Variants in ROBO1 observed in about 807,000 individuals in gnomAD.
ROBO1 encodes the protein roundabout guidance receptor 1.
In ROBO1, 149 loss-of-function variants were observed where a neutral mutation model predicts 195.9. That is an observed-to-expected ratio of 0.76 (90% confidence interval 0.67 to 0.87). The LOEUF (loss-of-function observed/expected upper bound fraction) is 0.87. Among genes scored for constraint, ROBO1 ranks in the 40% least tolerant of loss-of-function variants. ROBO1 has a pLI of 0.00. For missense variants in ROBO1, 1,933 were observed against 2,068.3 expected (o/e 0.93, Z 1.27); for synonymous variants, 816 against 733.2 (o/e 1.11, Z -1.82).
At chr3:79,607,132 C>CA (rs1491185745) in intron 1 of ROBO1, among the ~76,000 whole-genome samples, 3 of 150,092 alleles carry the variant, frequency 2.0e-5, no homozygotes, top group Non-Finnish European at 4.4e-5. Context: ...CACACACACA[C>CA]ATAGTGGAAC....
At chr3:79,538,459 T>G (rs1381319478) in intron 2 of ROBO1, among the ~76,000 whole-genome samples, 1 of 152,170 alleles carries the variant, frequency 6.6e-6, no homozygotes, top group African/African-American at 2.4e-5. Flanking sequence ...GGGCATATTA[T>G]TATTGATACT....
chr3:79,280,728 T>C (rs1227309102), intron 2 of ROBO1, among the ~76,000 whole-genome samples: 2 of 152,168 alleles, frequency 1.3e-5, no homozygotes, highest in African/African-American at 4.8e-5. Flanking sequence ...AAACTGTTCA[T>C]CCCGAACAGT....
chr3:79,322,619 T>G (rs1192195564), intron 2 of ROBO1, among the ~76,000 whole-genome samples: 1 of 152,158 alleles, frequency 6.6e-6, no homozygotes, highest in South Asian at 2.1e-4. Flanking sequence ...AAAATATAAC[T>G]CAAAATTTAT....
intron 4 of ROBO1, among the ~76,000 whole-genome samples, chr3:78,825,063 C>G (rs1011999503): frequency 6.6e-6 from 1 of 152,142 alleles, no homozygotes; most frequent in Non-Finnish European, 1.5e-5. Flanking sequence ...CCTTTTAACA[C>G]TATCACTCTA....
chr3:78,825,020 T>C (rs931505986), intron 4 of ROBO1, among the ~76,000 whole-genome samples: 2 of 152,210 alleles, frequency 1.3e-5, no homozygotes, highest in Non-Finnish European at 2.9e-5. Flanking sequence ...CTTTTCTAAA[T>C]AACCTCTTTT....
intron 4 of ROBO1, among the ~76,000 whole-genome samples, chr3:78,842,149 T>G (rs1313086638): frequency 6.9e-6 from 1 of 145,580 alleles, no homozygotes; most frequent in Non-Finnish European, 1.5e-5. Context: ...GTTTTTTTTT[T>G]TTTTTTGCGC....
At chr3:78,831,631 A>C (rs970073779) in intron 4 of ROBO1, among the ~76,000 whole-genome samples, 1 of 152,208 alleles carries the variant, frequency 6.6e-6, no homozygotes, top group African/African-American at 2.4e-5. Flanking sequence ...AAAACCATTC[A>C]CTAAAAGTGT....
intron 2 of ROBO1, among the ~76,000 whole-genome samples, chr3:79,342,271 T>C (rs2034937661): frequency 6.6e-6 from 1 of 152,162 alleles, no homozygotes; most frequent in Non-Finnish European, 1.5e-5. Flanking sequence ...CAGAAGATTA[T>C]TTTAGCAGTC....
At chr3:78,784,645 T>C (rs1305244653) in intron 4 of ROBO1, among the ~76,000 whole-genome samples, 1 of 152,170 alleles carries the variant, frequency 6.6e-6, no homozygotes, top group Non-Finnish European at 1.5e-5. Context: ...GTTCTTATGG[T>C]ACATGGAATA....
chr3:78,612,643 T>C (rs1340123688), intron 28 of ROBO1, among the ~76,000 whole-genome samples: 1 of 152,238 alleles, frequency 6.6e-6, no homozygotes, highest in African/African-American at 2.4e-5. Context: ...TTTGTGTTTC[T>C]TTACCAAACA....
chr3:78,711,348 C>CTCCTTTCTTCCTTCCT (rs1575992298), intron 8 of ROBO1, among the ~76,000 whole-genome samples: 8 of 54,702 alleles, frequency 1.5e-4, no homozygotes, highest in African/African-American at 7.3e-4. Flanking sequence ...TCCTTCCTTC[C>CTCCTTTCTTCCTTCCT]TCCTTCCTTC....
intron 4 of ROBO1, among the ~76,000 whole-genome samples, chr3:78,758,453 G>T (rs1865860): frequency 0.24 from 35,049 of 147,778 alleles, 4,184 homozygotes; most frequent in African/African-American, 0.27. Flanking sequence ...GAGCCCAGAG[G>T]TCAAGAAGGC....
chr3:79,465,622 G>C (rs1331799482), intron 2 of ROBO1, among the ~76,000 whole-genome samples: 1 of 152,146 alleles, frequency 6.6e-6, no homozygotes, highest in Admixed American at 6.5e-5. Context: ...TTTTGAGTAA[G>C]ATGGTTTACT....
intron 2 of ROBO1, among the ~76,000 whole-genome samples, chr3:79,416,314 G>C (rs2037997944): frequency 6.6e-6 from 1 of 151,658 alleles, no homozygotes; most frequent in African/African-American, 2.4e-5. Context: ...ATACGAAAGA[G>C]GTAAAATTGG....
At chr3:79,228,374 C>G (rs2082263670) in intron 2 of ROBO1, among the ~76,000 whole-genome samples, 1 of 152,058 alleles carries the variant, frequency 6.6e-6, no homozygotes, top group Non-Finnish European at 1.5e-5. Context: ...AACATCAATA[C>G]TTGCTGATAA....
At chr3:78,953,730 G>T (rs2040905321) in intron 3 of ROBO1, among the ~76,000 whole-genome samples, 1 of 151,952 alleles carries the variant, frequency 6.6e-6, no homozygotes, top group Non-Finnish European at 1.5e-5. Context: ...TTCAAATCTA[G>T]CCTCTGGTAC....
chr3:79,247,054 C>T (rs2082637471), intron 2 of ROBO1, among the ~76,000 whole-genome samples: 1 of 150,992 alleles, frequency 6.6e-6, no homozygotes, highest in South Asian at 2.1e-4. Flanking sequence ...CTTTTTTCCT[C>T]TAATGCTCTG....
chr3:78,683,204 C>T (rs1414225098), intron 10 of ROBO1, among the ~76,000 whole-genome samples: 2 of 151,846 alleles, frequency 1.3e-5, no homozygotes, highest in African/African-American at 2.4e-5. Flanking sequence ...ATGTGCAAAG[C>T]CTTTAGTCTT....
chr3:79,472,643 C>G (rs1306134495), intron 2 of ROBO1, among the ~76,000 whole-genome samples: 1 of 152,068 alleles, frequency 6.6e-6, no homozygotes, highest in Non-Finnish European at 1.5e-5. Context: ...AACTCTAAAA[C>G]TAATTTTTTG....
Sources: gnomAD v4.1 joint callset for allele counts (sites outside exome capture counted in the v4.1 genomes callset) on GRCh38, gnomAD v4.1.1 for gene constraint, MANE v1.5 for transcripts, NCBI Gene and HGNC (gene_info 2026-07-23, HGNC 2026-07-21) for gene names.